Variants in GLIS3 observed in about 807,000 individuals in gnomAD.
GLIS3 encodes the protein GLIS family zinc finger 3, also known as zinc finger protein GLIS3.
In GLIS3, 53 loss-of-function variants were observed where a neutral mutation model predicts 78.6. The observed-to-expected ratio is 0.67, with a 90% CI of 0.54 to 0.85. The LOEUF (loss-of-function observed/expected upper bound fraction) is 0.85. Among genes scored for constraint, GLIS3 ranks in the 40% least tolerant of loss-of-function variants. GLIS3 has a pLI of 0.00. For synonymous variants in GLIS3, 684 were observed against 509.9 expected, an observed-to-expected ratio of 1.34 and a Z score of -4.60; for missense variants, 1,703 against 1,231.1, an observed-to-expected ratio of 1.38 and a Z score of -5.74.
At chr9:3,896,670 T>TAAAAAAAAAAAAAAAAAAAAAAAAAA (rs60086001) in intron 7 of GLIS3, among the ~76,000 whole-genome samples, 1 of 49,980 alleles carries the variant, frequency 2.0e-5, no homozygotes, top group Non-Finnish European at 3.3e-5. Flanking sequence ...CCATCTCAAT[T>TAAAAAAAAAAAAAAAAAAAAAAAAAA]AAAAAAAAAA....
the GLIS3 span, among the ~76,000 whole-genome samples, chr9:4,451,243 A>G: frequency 6.6e-6 from 1 of 152,220 alleles, no homozygotes; most frequent in Non-Finnish European, 1.5e-5. Context: ...AGATCAAAAG[A>G]GACAAAGAAG....
rs115968062 is a variant in GLIS3, at chr9:4,279,816, T to C, written c.388+6222A>G. Among the ~76,000 whole-genome samples, 1,356 of 151,652 alleles carry C rather than the reference T, an allele frequency of 8.9e-3. 29 individuals are homozygous for C. The highest frequency in any genetic ancestry group is 0.031 in the African/African-American group (1,271 of 41,326). ...CTTTACTTAGGTTTATCCCTGAGAA[T>C]ACCACAGACAATGAAAAAAGTCTGG... On this transcript the variant is annotated intron_variant, in intron 2 of 10. Transcript: ENST00000381971.
At chr9:4,235,465 T>A (rs181587782) in intron 2 of GLIS3, among the ~76,000 whole-genome samples, 1 of 152,186 alleles carries the variant, frequency 6.6e-6, no homozygotes, top group Non-Finnish European at 1.5e-5. Context: ...TCTCAGTCAT[T>A]CAGCCATGCT....
chr9:4,330,678 T>G (rs1817672462), intron 2 of GLIS3, among the ~76,000 whole-genome samples: 1 of 147,784 alleles, frequency 6.8e-6, no homozygotes, highest in Admixed American at 6.7e-5. Context: ...TGAAGAGAGG[T>G]GGAGATGAAG....
chr9:3,851,896 A>C (rs1819456825), intron 9 of GLIS3, among the ~76,000 whole-genome samples: 1 of 152,166 alleles, frequency 6.6e-6, no homozygotes, highest in South Asian at 2.1e-4. Context: ...TAATCCCAGC[A>C]CTTTGGGAGG....
chr9:4,093,930 G>A (rs533487870), intron 4 of GLIS3, among the ~76,000 whole-genome samples: 38 of 152,304 alleles, frequency 2.5e-4, no homozygotes, highest in African/African-American at 8.7e-4. Flanking sequence ...CTGTGGAATT[G>A]TAGGTCAACT....
At chr9:4,309,047 C>T (rs1817297344) in intron 3 of GLIS3, 1 of 152,196 alleles carries the variant, frequency 6.6e-6, no homozygotes, top group Non-Finnish European at 1.5e-5. Flanking sequence ...TTGTTAAGTG[C>T]TTAGAACAGT....
At chr9:4,094,187 G>C (rs905025535) in intron 4 of GLIS3, among the ~76,000 whole-genome samples, 2 of 152,296 alleles carry the variant, frequency 1.3e-5, no homozygotes, top group African/African-American at 2.4e-5. Flanking sequence ...AGGAACGAGA[G>C]GAACTGAGGA....
chr9:4,462,100 TG>T, the GLIS3 span, among the ~76,000 whole-genome samples: 1 of 152,190 alleles, frequency 6.6e-6, no homozygotes, highest in Non-Finnish European at 1.5e-5. Context: ...AGATTATTTT[TG>T]CCCATGGGCC....
the GLIS3 span, among the ~76,000 whole-genome samples, chr9:4,374,270 G>A: frequency 2.0e-5 from 3 of 152,204 alleles, no homozygotes. Context: ...CTGAAGCAAT[G>A]GCTGTTATGG....
At chr9:4,478,032 C>T in the GLIS3 span, among the ~76,000 whole-genome samples, 2 of 152,186 alleles carry the variant, frequency 1.3e-5, no homozygotes, top group Non-Finnish European at 2.9e-5. Flanking sequence ...CTCCTGAATA[C>T]TATTTCCCAT....
intron 2 of GLIS3, among the ~76,000 whole-genome samples, chr9:4,234,968 A>G (rs1199349615): frequency 1.3e-5 from 2 of 152,142 alleles, no homozygotes; most frequent in Admixed American, 6.5e-5. Context: ...TGCCTCAGTT[A>G]TGCAAGGAAA....
chr9:4,051,702 C>G (rs983387906), intron 4 of GLIS3, among the ~76,000 whole-genome samples: 1 of 152,192 alleles, frequency 6.6e-6, no homozygotes, highest in African/African-American at 2.4e-5. Context: ...AGTTTGAAAA[C>G]TCTTCAGATG....
At chr9:4,051,668 A>G (rs553437096) in intron 4 of GLIS3, among the ~76,000 whole-genome samples, 1 of 152,236 alleles carries the variant, frequency 6.6e-6, no homozygotes, top group Non-Finnish European at 1.5e-5. Flanking sequence ...TTTAAAAAAG[A>G]ACATAGCAAT....
chr9:4,428,543 T>C, the GLIS3 span, among the ~76,000 whole-genome samples: 19 of 148,518 alleles, frequency 1.3e-4, no homozygotes, highest in East Asian at 3.4e-3. Flanking sequence ...GAAATTGAGC[T>C]ATCTGCATAA....
chr9:4,316,202 T>C (rs967277377), intron 2 of GLIS3, among the ~76,000 whole-genome samples: 7 of 152,162 alleles, frequency 4.6e-5, no homozygotes, highest in Non-Finnish European at 1.0e-4. Context: ...GAGGTTAGGA[T>C]TCCTACAAGC....
intron 2 of GLIS3, among the ~76,000 whole-genome samples, chr9:4,276,066 T>G (rs1826951717): frequency 6.6e-6 from 1 of 151,742 alleles, no homozygotes; most frequent in African/African-American, 2.4e-5. Context: ...ATGGATCACT[T>G]TGAGCTCAGG....
chr9:4,329,702 C>A (rs116725847), intron 2 of GLIS3, among the ~76,000 whole-genome samples: 384 of 152,148 alleles, frequency 2.5e-3, no homozygotes, highest in African/African-American at 8.9e-3. Flanking sequence ...ACCTGATATG[C>A]GAACCTCCTC....
chr9:4,330,856 G>A (rs998046590), intron 2 of GLIS3, among the ~76,000 whole-genome samples: 6 of 152,152 alleles, frequency 3.9e-5, no homozygotes. Flanking sequence ...GGCGAGCCAG[G>A]AGTGGGTTAA....
Sources: allele counts gnomAD v4.1 joint callset (sites outside exome capture counted in the v4.1 genomes callset), GRCh38; gene constraint gnomAD v4.1.1; transcripts MANE v1.5; gene names NCBI Gene and HGNC (gene_info 2026-07-23, HGNC 2026-07-21).